Variants in DIP2B observed in about 807,000 individuals in gnomAD.
DIP2B encodes the protein DIP2 acetate--CoA ligase B (putative), also known as disco-interacting protein 2 homolog B.
Under a neutral mutation model 198.0 loss-of-function variants are expected in DIP2B, and 76 were observed. The ratio of observed to expected loss-of-function variants is 0.38; its 90% CI spans 0.32 to 0.46. The LOEUF is 0.46. Ranked by LOEUF, DIP2B falls within the 20% of genes least tolerant of loss-of-function variation. The pLI is 0.99. For synonymous variants in DIP2B, 701 were observed against 739.1 expected (o/e 0.95, Z 0.84); for missense variants, 1,559 against 1,978.4 (o/e 0.79, Z 4.02).
At chr12:50,597,535 A>G (rs1207267117) in intron 1 of DIP2B, among the ~76,000 whole-genome samples, 3 of 152,328 alleles carry the variant, frequency 2.0e-5, no homozygotes, top group African/African-American at 7.2e-5. Context: ...CTATGCATGG[A>G]GGAGCGTTAA....
At chr12:50,566,530 T>G in intron 1 of DIP2B, among the ~76,000 whole-genome samples, 1 of 152,232 alleles carries the variant, frequency 6.6e-6, no homozygotes, top group East Asian at 1.9e-4. Context: ...GCAGCCATTA[T>G]TTTTTCAATT....
Position 50,741,466 on chromosome 12 carries a change from C to A in DIP2B, c.4405C>A (p.Leu1469Met). 6.2e-7 allele frequency: 1 copy of A among 1,614,150 alleles called. No homozygotes were observed. The highest frequency in any genetic ancestry group is 8.5e-7 in the Non-Finnish European group (1 of 1,180,022). ...VVGALDETLE[L>M]RGLRYHPIDI... ...GGGAGCGCTGGATGAAACACTGGAG[C>A]TGAGAGGATTACGATACCACCCAAT... Residue 1469 changes from leucine to methionine, a missense_variant, in exon 37 of 38, where the codon CTG becomes ATG. Transcript: ENST00000301180.
chr12:50,744,238 G>A (rs1940307306), intron 37 of DIP2B, among the ~76,000 whole-genome samples: 3 of 152,162 alleles, frequency 2.0e-5, no homozygotes, highest in South Asian at 2.1e-4. Context: ...CTGACCTCAG[G>A]TGATCCGCCC....
chr12:50,741,396 T>C lies in DIP2B; in HGVS notation c.4355-20T>C. 1 of 1,612,304 alleles carries C rather than the reference T, an allele frequency of 6.2e-7. No individual in the cohort carries two copies. The highest frequency in any genetic ancestry group is 8.5e-7 in the Non-Finnish European group (1 of 1,179,398). ...TCAGTATATGTCCAAGCCACATTTC[T>C]CTCTTTTTCTTTCTGTCAGAGCGTC... On this transcript the variant is annotated intron_variant, in intron 36 of 37. Transcript: ENST00000301180.
At chr12:50,511,289 C>CTCTTTT (rs1316212138) in intron 1 of DIP2B, among the ~76,000 whole-genome samples, 1 of 20,942 alleles carries the variant, frequency 4.8e-5, no homozygotes, top group Admixed American at 6.2e-4. Context: ...AGTGTGATTT[C>CTCTTTT]TATTTTTTTT....
chr12:50,510,871 C>A (rs955943092), intron 1 of DIP2B, among the ~76,000 whole-genome samples: 1 of 151,754 alleles, frequency 6.6e-6, no homozygotes, highest in African/African-American at 2.4e-5. Context: ...TCTTGAACTC[C>A]CGACCTCAGG....
At chr12:50,570,744 G>T (rs905590659) in intron 1 of DIP2B, among the ~76,000 whole-genome samples, 3 of 152,180 alleles carry the variant, frequency 2.0e-5, no homozygotes, top group African/African-American at 7.2e-5. Flanking sequence ...ATAAAATAAA[G>T]ATATAGGCAT....
intron 3 of DIP2B, among the ~76,000 whole-genome samples, chr12:50,657,926 A>G (rs1938581581): frequency 6.6e-6 from 1 of 152,034 alleles, no homozygotes; most frequent in Admixed American, 6.6e-5. Flanking sequence ...ACAATAGACT[A>G]TGTTGGAATA....
chr12:50,555,382 A>T (rs984419966), intron 1 of DIP2B, among the ~76,000 whole-genome samples: 5 of 152,186 alleles, frequency 3.3e-5, no homozygotes, highest in African/African-American at 1.2e-4. Flanking sequence ...GCCACTTAGG[A>T]TTCAGCTTTC....
chr12:50,582,240 C>T (rs1409301023), intron 1 of DIP2B, among the ~76,000 whole-genome samples: 1 of 147,888 alleles, frequency 6.8e-6, no homozygotes, highest in East Asian at 2.0e-4. Context: ...CAGCCTCCGC[C>T]TCCCGGGTTC....
intron 1 of DIP2B, among the ~76,000 whole-genome samples, chr12:50,506,690 T>A (rs891206653): frequency 1.3e-5 from 2 of 152,198 alleles, no homozygotes; most frequent in African/African-American, 4.8e-5. Context: ...TCTGCCCAGT[T>A]ATACCTTAAG....
chr12:50,675,302 T>C, intron 6 of DIP2B, 27 bp from the exon 7 acceptor site: 1 of 1,606,270 alleles, frequency 6.2e-7, no homozygotes, highest in Non-Finnish European at 8.5e-7. Context: ...TCAATGAATT[T>C]TAACTTAACC....
intron 2 of DIP2B, among the ~76,000 whole-genome samples, chr12:50,631,328 G>T (rs2139476608): frequency 6.6e-6 from 1 of 152,156 alleles, no homozygotes; most frequent in East Asian, 1.9e-4. Flanking sequence ...CTGGGTTCAA[G>T]CAATTCTCCT....
At chr12:50,609,398 T>C (rs574723142) in intron 1 of DIP2B, among the ~76,000 whole-genome samples, 7 of 152,332 alleles carry the variant, frequency 4.6e-5, no homozygotes, top group African/African-American at 1.7e-4. Flanking sequence ...GATAGAAGTT[T>C]ATTTCTAGGT....
At chr12:50,538,470 T>G (rs1383910987) in intron 1 of DIP2B, among the ~76,000 whole-genome samples, 1 of 151,878 alleles carries the variant, frequency 6.6e-6, no homozygotes, top group East Asian at 1.9e-4. Flanking sequence ...CCAGTCCCAC[T>G]TCCCAAAATG....
At chr12:50,673,311 C>CA (rs1190339231) in intron 5 of DIP2B, among the ~76,000 whole-genome samples, 16 of 151,924 alleles carry the variant, frequency 1.1e-4, no homozygotes, top group African/African-American at 2.9e-4. Flanking sequence ...TTAAGTTTTA[C>CA]AAAAAACTTA....
Position 50,717,311 on chromosome 12 carries a change from A to G in DIP2B, c.2852-1398A>G, listed in dbSNP as rs1432278388. ...TTGTTTTTTGAGACAGGGTCTTAACACTGTTGCCCAGGCTGGAGTGCGGTG... is the reference window on the plus strand; with the variant it reads ...TTGTTTTTTGAGACAGGGTCTTAACGCTGTTGCCCAGGCTGGAGTGCGGTG... On this transcript the variant is annotated intron_variant, in intron 23 of 37. Transcript: ENST00000301180. 1.1e-4 allele frequency among the ~76,000 whole-genome samples: 14 copies of G among 128,914 alleles called. No homozygotes were observed. In the East Asian group the frequency reaches 3.0e-3, roughly 28 times the overall value. The allele number at this position is 128,914 out of a possible 152,430, so 84.6% of individuals were successfully genotyped here. A position where few individuals can be genotyped will look rare whatever the true frequency, so the allele number is the denominator to read the frequency against.
chr12:50,683,894 G>A (rs551685196), intron 10 of DIP2B, among the ~76,000 whole-genome samples: 4 of 152,186 alleles, frequency 2.6e-5, no homozygotes, highest in African/African-American at 4.8e-5. Context: ...GGCGGGTTGC[G>A]TGAGCCCAGA....
rs972085813 is a variant in DIP2B, at chr12:50,678,796, G to A, written c.1034G>A (p.Arg345His). ...WPPALESALQ[R>H]WGTTQAKCSC... ...CCTGCTCTTGAATCTGCCCTGCAGC[G>A]CTGGGGTACCACTCAAGCAAAATGC... The change falls in exon 8 of 38, where the codon CGC becomes CAC. Residue 345 changes from arginine (R) to histidine (H), a missense_variant. Coordinates refer to ENST00000301180, the MANE Select transcript of DIP2B (RefSeq NM_173602.3). The A allele has an allele frequency of 5.6e-6, 9 of 1,614,062 alleles. No homozygotes were observed. Among genetic ancestry groups the A allele is most frequent in the African/African-American group, 2.7e-5 (2 of 74,936 alleles).
Sources: gnomAD v4.1 joint callset for allele counts (sites outside exome capture counted in the v4.1 genomes callset) on GRCh38, gnomAD v4.1.1 for gene constraint, MANE v1.5 for transcripts, NCBI Gene and HGNC (gene_info 2026-07-23, HGNC 2026-07-21) for gene names.